The following KAZN variants were observed in gnomAD, a reference collection of about 807,000 sequenced individuals.
KAZN encodes kazrin, periplakin interacting protein.
A neutral mutation model predicts 87.4 loss-of-function variants in KAZN; 40 were observed. The observed-to-expected ratio is 0.46, with a 90% CI of 0.36 to 0.60. The LOEUF is 0.60. KAZN is among the 20% of genes least tolerant of loss of function. The pLI, the probability that KAZN is intolerant of heterozygous loss-of-function variation, is 0.00. For synonymous variants in KAZN, 466 were observed against 458.3 expected (o/e 1.02, Z -0.22); for missense variants, 898 against 1,073.9 (o/e 0.84, Z 2.29).
At chr1:15,114,273 G>A in intron 14 of KAZN, 198 bp from the exon 15 acceptor site, 1 of 532,474 alleles carries the variant, frequency 1.9e-6, no homozygotes, top group East Asian at 3.1e-5. Flanking sequence ...GGGACACAAA[G>A]CTCTCCCCTA....
chr1:14,608,215 C>T (rs752667738), intron 1 of KAZN, among the ~76,000 whole-genome samples: 20 of 152,244 alleles, frequency 1.3e-4, no homozygotes, highest in Non-Finnish European at 1.3e-4. Flanking sequence ...GCCTTCCCTT[C>T]CTCTTTTTTT....
intron 2 of KAZN, among the ~76,000 whole-genome samples, chr1:14,442,902 C>T (rs888230884): frequency 3.3e-5 from 5 of 152,218 alleles, no homozygotes; most frequent in Non-Finnish European, 5.9e-5. Flanking sequence ...CTCCCCGACA[C>T]GTGGGTCATT....
chr1:14,237,700 G>A (rs1391743654), intron 2 of KAZN, among the ~76,000 whole-genome samples: 2 of 152,144 alleles, frequency 1.3e-5, no homozygotes, highest in African/African-American at 4.8e-5. Flanking sequence ...GACCTACTGA[G>A]TGCAAGGCCA....
At chr1:14,986,100 G>T (rs55895243) in intron 2 of KAZN, among the ~76,000 whole-genome samples, 7,659 of 151,990 alleles carry the variant, frequency 0.05, 608 homozygotes, top group African/African-American at 0.17. Flanking sequence ...CCAGGAGAGT[G>T]GATTGCAACA....
chr1:14,518,719 T>A (rs1414858434), intron 2 of KAZN, among the ~76,000 whole-genome samples: 20 of 152,216 alleles, frequency 1.3e-4, no homozygotes. Flanking sequence ...CCACACTGTG[T>A]GTCCTCCATC....
At chr1:14,056,208 T>G (rs1422727672) in intron 1 of KAZN, among the ~76,000 whole-genome samples, 1 of 152,220 alleles carries the variant, frequency 6.6e-6, no homozygotes, top group East Asian at 1.9e-4. Flanking sequence ...CTCCAGAAAC[T>G]GTGAATATGC....
chr1:14,637,739 TA>T (rs1184712673), intron 1 of KAZN, among the ~76,000 whole-genome samples: 5 of 151,636 alleles, frequency 3.3e-5, no homozygotes, highest in Admixed American at 2.0e-4. Flanking sequence ...TGTGGGGACC[TA>T]AAAAAAGAAA....
intron 2 of KAZN, among the ~76,000 whole-genome samples, chr1:14,481,710 C>T (rs1411364796): frequency 1.3e-5 from 2 of 151,236 alleles, no homozygotes; most frequent in Admixed American, 1.3e-4. Context: ...ACTTGGAAAA[C>T]TGGGAGATGT....
chr1:15,112,329 ATGTGTGTGTGTGTGTGTGTG>A (rs58658629), intron 13 of KAZN, 78 bp from the exon 14 acceptor site: 137 of 638,208 alleles, frequency 2.1e-4, no homozygotes, highest in South Asian at 8.0e-4. Flanking sequence ...ATTGTCACCA[ATGTGTGTGTGTGTGTGTGTG>A]TGTGTGTGTG....
At chr1:15,095,055 T>G in intron 10 of KAZN, 122 bp downstream of exon 10, 2 of 686,162 alleles carry the variant, frequency 2.9e-6, no homozygotes, top group Non-Finnish European at 5.0e-6. Flanking sequence ...CAGCAGGGTG[T>G]GACTAAGATG....
chr1:14,681,639 ATATATATATATATATATATTTTTT>A (rs1640624031), intron 1 of KAZN, among the ~76,000 whole-genome samples: 1 of 10,112 alleles, frequency 9.9e-5, no homozygotes, highest in South Asian at 4.3e-3. Context: ...ATATATATAT[ATATATATATATATATATATTTTTT>A]TTTTTTTTTT....
chr1:14,645,555 G>C (rs1223127246), intron 1 of KAZN, among the ~76,000 whole-genome samples: 2 of 152,126 alleles, frequency 1.3e-5, no homozygotes, highest in Non-Finnish European at 2.9e-5. Context: ...CTTGGCTATT[G>C]TTGGTGTATA....
chr1:14,609,315 G>C (rs1351801167), intron 1 of KAZN, among the ~76,000 whole-genome samples: 3 of 152,312 alleles, frequency 2.0e-5, no homozygotes, highest in African/African-American at 2.4e-5. Context: ...TTTGCAATTT[G>C]ACATGGTACC....
At chr1:14,791,854 C>T (rs1481551714) in intron 1 of KAZN, among the ~76,000 whole-genome samples, 2 of 152,234 alleles carry the variant, frequency 1.3e-5, no homozygotes, top group East Asian at 3.8e-4. Context: ...CGCGTTTGAT[C>T]CCATGGCAGC....
At chr1:14,206,139 A>G (rs1243847132) in intron 2 of KAZN, among the ~76,000 whole-genome samples, 1 of 152,130 alleles carries the variant, frequency 6.6e-6, no homozygotes, top group Non-Finnish European at 1.5e-5. Context: ...CAAATTTCTC[A>G]TTTCCATTTT....
intron 1 of KAZN, among the ~76,000 whole-genome samples, chr1:14,886,984 C>T (rs1396081418): frequency 2.0e-5 from 3 of 152,126 alleles, no homozygotes; most frequent in South Asian, 4.1e-4. Flanking sequence ...CTCATAAATA[C>T]TTGTGAAATG....
chr1:14,967,670 G>A (rs1200441706), intron 2 of KAZN, among the ~76,000 whole-genome samples: 1 of 152,186 alleles, frequency 6.6e-6, no homozygotes, highest in Non-Finnish European at 1.5e-5. Flanking sequence ...GAGGCCAGAG[G>A]GATTCAATGT....
chr1:14,777,854 A>G (rs1557480068), intron 1 of KAZN, among the ~76,000 whole-genome samples: 1 of 152,180 alleles, frequency 6.6e-6, no homozygotes, highest in Non-Finnish European at 1.5e-5. Context: ...CATATAGGGT[A>G]ACTTCCTGCA....
intron 2 of KAZN, among the ~76,000 whole-genome samples, chr1:14,518,715 T>A (rs989260651): frequency 3.3e-5 from 5 of 152,198 alleles, no homozygotes; most frequent in Non-Finnish European, 7.3e-5. Flanking sequence ...ACTACCACAC[T>A]GTGTGTCCTC....
Sources: gnomAD v4.1 joint callset for allele counts (sites outside exome capture counted in the v4.1 genomes callset) on GRCh38, gnomAD v4.1.1 for gene constraint, MANE v1.5 for transcripts, NCBI Gene and HGNC (gene_info 2026-07-23, HGNC 2026-07-21) for gene names.